The following TARS1 variants were observed in gnomAD, a reference collection of about 807,000 sequenced individuals.
TARS1 encodes threonine--tRNA ligase 1, cytoplasmic.
A neutral mutation model predicts 97.7 loss-of-function variants in TARS1; 57 were observed. That is an observed-to-expected ratio of 0.58 (90% confidence interval 0.47 to 0.73). The LOEUF is 0.73. TARS1 is among the 30% of genes least tolerant of loss of function. The pLI is 0.00. For missense variants in TARS1, 806 were observed against 888.3 expected, an observed-to-expected ratio of 0.91 and a Z score of 1.18; for synonymous variants, 312 against 293.7, an observed-to-expected ratio of 1.06 and a Z score of -0.64.
Position 33,453,263 on chromosome 5 carries a change from C to CT in TARS1, c.330-4dup, listed in dbSNP as rs35931457. On this transcript the variant is annotated intron_variant, in intron 3 of 18. Coordinates refer to ENST00000265112, the MANE Select transcript of TARS1 (RefSeq NM_152295.5). ...TCGTGTGTACTTATATATGTGTGGA[C>CT]TTTTTTTTTTTTTTTTTTTTTTAAG... 30,381 of 1,323,796 alleles carry CT rather than the reference C, an allele frequency of 0.023. 7 individuals carry two copies. Among genetic ancestry groups the CT allele is most frequent in the South Asian group, 0.028 (1,585 of 57,120 alleles). The allele number at this position is 1,323,796 out of a possible 1,614,324, so 82.0% of individuals were successfully genotyped here. A position where few individuals can be genotyped will look rare whatever the true frequency, so the allele number is the denominator to read the frequency against.
intron 17 of TARS1, among the ~76,000 whole-genome samples, chr5:33,465,613 G>A (rs1029610036): frequency 2.0e-4 from 30 of 152,324 alleles, no homozygotes; most frequent in African/African-American, 7.2e-4. Context: ...TCTGAAATGG[G>A]TGTAATAAAA....
At chr5:33,456,648 T>C (rs887631068) in intron 8 of TARS1, among the ~76,000 whole-genome samples, 1 of 152,284 alleles carries the variant, frequency 6.6e-6, no homozygotes, top group Non-Finnish European at 1.5e-5. Flanking sequence ...AAGAGAATAA[T>C]TGAGTCATTT....
At chr5:33,447,228 T>A (rs1768856323) in intron 2 of TARS1, among the ~76,000 whole-genome samples, 1 of 152,156 alleles carries the variant, frequency 6.6e-6, no homozygotes, top group Admixed American at 6.5e-5. Context: ...TTATTTTCTA[T>A]TATCTCCAGT....
At chr5:33,450,852 C>G (rs1223647177) in intron 3 of TARS1, among the ~76,000 whole-genome samples, 1 of 152,220 alleles carries the variant, frequency 6.6e-6, no homozygotes, top group African/African-American at 2.4e-5. Context: ...TGTTGGCTCA[C>G]AGCTGTAATC....
chr5:33,455,738 T>A, intron 6 of TARS1, 34 bp downstream of exon 6: 1 of 1,391,636 alleles, frequency 7.2e-7, no homozygotes, highest in Non-Finnish European at 1.0e-6. Flanking sequence ...CCCCCACTGT[T>A]AATATCATTT....
intron 5 of TARS1, 67 bp from the exon 6 acceptor site, chr5:33,455,520 T>C (rs905346954): frequency 9.7e-6 from 10 of 1,029,946 alleles, no homozygotes; most frequent in Non-Finnish European, 1.4e-5. Flanking sequence ...TATTTCCAAA[T>C]GAACATTTTT....
At chr5:33,465,855 T>C (rs891101719) in intron 17 of TARS1, 12 of 152,212 alleles carry the variant, frequency 7.9e-5, no homozygotes, top group African/African-American at 2.9e-4. Flanking sequence ...GAAAGAAATA[T>C]TTCGTCACCC....
chr5:33,443,591 C>G (rs973484655), intron 1 of TARS1, among the ~76,000 whole-genome samples: 1 of 151,258 alleles, frequency 6.6e-6, no homozygotes, highest in African/African-American at 2.4e-5. Context: ...CTCCCGGGTT[C>G]CAGCCATTCT....
chr5:33,447,876 T>C (rs1741499625), intron 2 of TARS1, among the ~76,000 whole-genome samples: 1 of 152,254 alleles, frequency 6.6e-6, no homozygotes, highest in Non-Finnish European at 1.5e-5. Flanking sequence ...CCATAGATTA[T>C]AGAGTGACAG....
chr5:33,459,537 G>C (rs1268978698), intron 10 of TARS1, among the ~76,000 whole-genome samples, 158 bp from the exon 11 acceptor site: 1 of 152,176 alleles, frequency 6.6e-6, no homozygotes, highest in Non-Finnish European at 1.5e-5. Context: ...TGTGCCAAGA[G>C]TTTTCTCTCT....
At chr5:33,446,727 GA>G in intron 2 of TARS1, 1 of 1,289,372 alleles carries the variant, frequency 7.8e-7, no homozygotes, top group African/African-American at 1.5e-5. Flanking sequence ...AAGTGGCTAT[GA>G]TGATAAACTG....
chr5:33,466,371 A>G (rs578198695), intron 17 of TARS1, among the ~76,000 whole-genome samples: 2 of 152,212 alleles, frequency 1.3e-5, no homozygotes, highest in Non-Finnish European at 2.9e-5. Context: ...TTAAGGGACT[A>G]ATGCCTCTGA....
Position 33,459,797 on chromosome 5 carries a change from A to C in TARS1, c.1186A>C (p.Met396Leu). Residue 396 changes from methionine to leucine, a missense_variant, in exon 11 of 19, where the codon ATG becomes CTG. Met to Leu is a conservative substitution (Grantham distance 15, BLOSUM62 2). Transcript: ENST00000265112. ...CCACTGGCAGCACTACAGCGAGAAC[A>C]TGTTCTCCTTTGAGGTGGAGAAGGA... is the stretch of plus-strand genomic sequence containing the variant. The part of the protein sequence containing the change: ...SGHWQHYSEN[M>L]FSFEVEKELF... The C allele has an allele frequency of 6.2e-7, 1 of 1,614,178 alleles. No individual in the cohort carries two copies. Among genetic ancestry groups the C allele is most frequent in the East Asian group, 2.2e-5 (1 of 44,876 alleles).
chr5:33,445,573 G>GT (rs1303789254), intron 2 of TARS1, among the ~76,000 whole-genome samples, 169 bp downstream of exon 2: 1 of 152,114 alleles, frequency 6.6e-6, no homozygotes, highest in Admixed American at 6.5e-5. Context: ...TCTGAGAGGG[G>GT]AAAAAAGACT....
intron 1 of TARS1, among the ~76,000 whole-genome samples, chr5:33,442,858 T>A (rs1741181463): frequency 6.6e-6 from 1 of 152,172 alleles, no homozygotes; most frequent in Admixed American, 6.5e-5. Flanking sequence ...ATCTCCATTA[T>A]ACAGATGAGA....
At chr5:33,460,722 A>T (rs984090661) in intron 11 of TARS1, among the ~76,000 whole-genome samples, 180 bp from the exon 12 acceptor site, 1 of 152,164 alleles carries the variant, frequency 6.6e-6, no homozygotes, top group African/African-American at 2.4e-5. Flanking sequence ...GTTATAACTT[A>T]TTTGCTGTTT....
At position 33,462,191 on chromosome 5, in the gene TARS1, A is replaced by G. The variant is rs746440380; in HGVS notation, c.1823A>G (p.Tyr608Cys). 3.7e-6 allele frequency: 6 copies of G among 1,611,160 alleles called. No homozygotes were observed. Among genetic ancestry groups the G allele is most frequent in the East Asian group, 2.2e-5 (1 of 44,840 alleles). Residue 608 changes from tyrosine (Y) to cysteine (C), a missense_variant, in exon 16 of 19, where the codon TAT (tyrosine) becomes TGT (cysteine). Tyr to Cys is a radical substitution (Grantham distance 194). This residue lies in a region of TARS1 where 446 missense variants were observed against 511.0 expected (regional missense o/e 0.87). Coordinates refer to ENST00000265112, the MANE Select transcript of TARS1 (RefSeq NM_152295.5). ...ERMIAILTEN[Y>C]GGKWPFWLSP... Reference sequence around the variant, plus strand: ...ATGATTGCTATCCTCACAGAAAACTATGGGGGCAAATGGTAATTTTTGTCA... The same window carrying G: ...ATGATTGCTATCCTCACAGAAAACTGTGGGGGCAAATGGTAATTTTTGTCA...
At position 33,454,969 on chromosome 5, in the gene TARS1, A is replaced by G. The variant is rs1463073648; in HGVS notation, c.478A>G (p.Ile160Val). 3.1e-6 allele frequency: 5 copies of G among 1,613,996 alleles called. No homozygotes were observed. The highest frequency in any genetic ancestry group is 1.7e-5 in the Admixed American group (1 of 60,018). Residue 160 changes from isoleucine (I) to valine (V), a missense_variant, in exon 5 of 19, where the codon ATA becomes GTA. By Grantham distance (29) the Ile-to-Val change is conservative. Coordinates refer to ENST00000265112, the MANE Select transcript of TARS1 (RefSeq NM_152295.5). ...GGTGTATTGGCACTCTAGTGCTCACATAATGGGTGAAGCCATGGAAAGAGT... is the reference window on the plus strand; with the variant it reads ...GGTGTATTGGCACTCTAGTGCTCACGTAATGGGTGAAGCCATGGAAAGAGT... Reference protein sequence around the residue: ...QAVYWHSSAHIMGEAMERVYG... With the variant: ...QAVYWHSSAHVMGEAMERVYG...
At chr5:33,445,094 G>A (rs1741346592) in intron 1 of TARS1, among the ~76,000 whole-genome samples, 1 of 152,102 alleles carries the variant, frequency 6.6e-6, no homozygotes, top group African/African-American at 2.4e-5. Flanking sequence ...GAAATTTGAG[G>A]AGTTAAACAT....
Sources: allele counts gnomAD v4.1 joint callset (sites outside exome capture counted in the v4.1 genomes callset), GRCh38; gene constraint gnomAD v4.1.1; regional missense constraint gnomAD v4.1.1; transcripts MANE v1.5; gene names NCBI Gene and HGNC (gene_info 2026-07-23, HGNC 2026-07-21).